CLPB: variants seen among roughly 807,000 people sequenced by gnomAD.
The protein encoded by CLPB is ClpB family mitochondrial disaggregase, also known as mitochondrial disaggregase.
CLPB carries 40 observed loss-of-function variants against 78.4 expected under a neutral mutation model. The ratio of observed to expected loss-of-function variants is 0.51; its 90% CI spans 0.40 to 0.66. The LOEUF (loss-of-function observed/expected upper bound fraction) is 0.66. Among genes scored for constraint, CLPB ranks in the 30% least tolerant of loss-of-function variants. The probability of loss-of-function intolerance (pLI) is 0.00; values close to 1 mark genes in which losing one functional copy is unlikely to be tolerated. For synonymous variants in CLPB, 333 were observed against 348.0 expected, an observed-to-expected ratio of 0.96 and a Z score of 0.48; for missense variants, 780 against 886.9, an observed-to-expected ratio of 0.88 and a Z score of 1.53.
intron 2 of CLPB, among the ~76,000 whole-genome samples, chr11:72,428,442 T>C (rs1277724280): frequency 1.3e-5 from 2 of 152,194 alleles, no homozygotes; most frequent in Admixed American, 1.3e-4. Context: ...ACATTCCAGC[T>C]TCTCTCAGAC....
At chr11:72,366,413 A>C (rs546588267) in intron 4 of CLPB, among the ~76,000 whole-genome samples, 1 of 152,166 alleles carries the variant, frequency 6.6e-6, no homozygotes, top group East Asian at 1.9e-4. Context: ...CTGTTTTCTA[A>C]AACAGGGTTT....
intron 4 of CLPB, among the ~76,000 whole-genome samples, chr11:72,372,397 G>A (rs58941166): frequency 0.13 from 19,326 of 152,194 alleles, 1,808 homozygotes; most frequent in African/African-American, 0.27. Flanking sequence ...CCTCTGGCAG[G>A]TATAGAAAAT....
At chr11:72,401,283 CA>C (rs536031247) in intron 3 of CLPB, among the ~76,000 whole-genome samples, 4 of 151,522 alleles carry the variant, frequency 2.6e-5, no homozygotes, top group East Asian at 1.9e-4. Flanking sequence ...ACTAAAAATA[CA>C]AAAAAAATTA....
At chr11:72,374,145 G>A (rs1951096954) in intron 4 of CLPB, among the ~76,000 whole-genome samples, 1 of 152,076 alleles carries the variant, frequency 6.6e-6, no homozygotes, top group Admixed American at 6.5e-5. Flanking sequence ...CCCTTGAGTG[G>A]TGAGTTGCTC....
intron 4 of CLPB, among the ~76,000 whole-genome samples, chr11:72,378,285 T>G (rs1222202591): frequency 6.6e-6 from 1 of 152,220 alleles, no homozygotes. Context: ...ATTAGTTCGT[T>G]TTCATCATGC....
chr11:72,306,098 G>A (rs1050143993), intron 9 of CLPB, among the ~76,000 whole-genome samples: 3 of 152,198 alleles, frequency 2.0e-5, no homozygotes, highest in Admixed American at 1.3e-4. Flanking sequence ...CATGCTATGC[G>A]CTGCTTCTTG....
At chr11:72,353,567 C>T (rs948345231) in intron 5 of CLPB, among the ~76,000 whole-genome samples, 3 of 152,156 alleles carry the variant, frequency 2.0e-5, no homozygotes, top group African/African-American at 7.2e-5. Flanking sequence ...ATCAGTGCAT[C>T]CAATTCAAAA....
At position 72,402,272 on chromosome 11, in the gene CLPB, A is replaced by C. The variant is rs1453710639; in HGVS notation, c.542+694T>G. Among the ~76,000 whole-genome samples the C allele has an allele frequency of 2.6e-5, 4 of 152,134 alleles. No homozygotes were observed. The East Asian group carries it at 7.7e-4, about 29-fold the overall frequency. ...CAAGACTGTATCTCAAAAAAACCCCAAAACCCAAAAACACAGACCTTTCAG... is the reference window on the plus strand; with the variant it reads ...CAAGACTGTATCTCAAAAAAACCCCCAAACCCAAAAACACAGACCTTTCAG... On this transcript the variant is annotated intron_variant, in intron 3 of 15. Transcript: ENST00000538039.
At chr11:72,378,771 C>A (rs1202134066) in intron 4 of CLPB, among the ~76,000 whole-genome samples, 1 of 152,186 alleles carries the variant, frequency 6.6e-6, no homozygotes, top group Non-Finnish European at 1.5e-5. Flanking sequence ...AACATAAACA[C>A]AATTCCTCCG....
Position 72,376,639 on chromosome 11 carries a change from C to T in CLPB, c.646+3642G>A, listed in dbSNP as rs150189610. ...AATGATTCCTGACAAACTTCTAGGA[C>T]GTTATTATTATTATTTTTTTTTAAC... On this transcript the variant is annotated intron_variant, in intron 4 of 15. Coordinates refer to ENST00000538039, the MANE Select transcript of CLPB (RefSeq NM_001258392.3). Among the ~76,000 whole-genome samples, 1,241 of 129,228 alleles carry T rather than the reference C, an allele frequency of 9.6e-3. 10 individuals carry two copies. Among genetic ancestry groups the T allele is most frequent in the Admixed American group, 0.016 (187 of 11,380 alleles). 84.8% of individuals were successfully genotyped at this position (129,228 alleles called of 152,430 possible).
chr11:72,413,012 G>A (rs1025237661), intron 2 of CLPB, among the ~76,000 whole-genome samples: 2 of 152,160 alleles, frequency 1.3e-5, no homozygotes, highest in Non-Finnish European at 2.9e-5. Context: ...CTTCATGCCA[G>A]GTGCGGTGGC....
chr11:72,389,070 A>G (rs1855170372), intron 3 of CLPB, among the ~76,000 whole-genome samples: 2 of 152,256 alleles, frequency 1.3e-5, no homozygotes, highest in Non-Finnish European at 2.9e-5. Flanking sequence ...GTGAGTAGCC[A>G]GAAACCAAGG....
chr11:72,297,142 G>C (rs1435467083), intron 11 of CLPB, among the ~76,000 whole-genome samples: 1 of 152,234 alleles, frequency 6.6e-6, no homozygotes, highest in Non-Finnish European at 1.5e-5. Context: ...TTTCTTTTGG[G>C]AAGCAGAGAA....
intron 5 of CLPB, among the ~76,000 whole-genome samples, chr11:72,339,386 T>C (rs1950377268): frequency 6.6e-6 from 1 of 152,174 alleles, no homozygotes; most frequent in Non-Finnish European, 1.5e-5. Context: ...TCATGTTAAA[T>C]TGGGATTAGA....
At chr11:72,314,126 C>T (rs116517896) in intron 7 of CLPB, among the ~76,000 whole-genome samples, 2,429 of 152,190 alleles carry the variant, frequency 0.016, 58 homozygotes, top group African/African-American at 0.055. Context: ...GGTGGTGTGC[C>T]GTGGTGGCCA....
intron 2 of CLPB, among the ~76,000 whole-genome samples, chr11:72,415,705 G>T (rs1228311247): frequency 6.6e-6 from 1 of 152,204 alleles, no homozygotes; most frequent in Non-Finnish European, 1.5e-5. Context: ...GACAGAAGAA[G>T]TCATGGATCT....
At chr11:72,317,412 C>T (rs1055490298) in intron 6 of CLPB, among the ~76,000 whole-genome samples, 192 bp from the exon 7 acceptor site, 1 of 152,212 alleles carries the variant, frequency 6.6e-6, no homozygotes, top group South Asian at 2.1e-4. Context: ...TCAGGGGTCT[C>T]GGCTCACTCT....
At chr11:72,400,474 TC>T (rs902544379) in intron 3 of CLPB, among the ~76,000 whole-genome samples, 1 of 152,206 alleles carries the variant, frequency 6.6e-6, no homozygotes, top group African/African-American at 2.4e-5. Context: ...AAGAGATGTG[TC>T]CCCAAAAGCA....
rs997053483 is a variant in CLPB, at chr11:72,285,863, A to C, written c.*7504T>G. The stretch of plus-strand genomic sequence containing the variant: ...TTTCTTTTGATACTGTTTCTAGTTG[A>C]TTATTGCTAGAATACAGAAAAAACA... On this transcript the variant is annotated 3_prime_UTR_variant, in exon 16 of 16. Transcript: ENST00000538039. The C allele has an allele frequency of 6.6e-6, 1 of 151,808 alleles. No homozygotes were observed. The highest frequency in any genetic ancestry group is 2.4e-5 in the African/African-American group (1 of 41,338). The allele number at this position is 151,808 out of a possible 1,614,324, so 9.4% of individuals were successfully genotyped here. A position where few individuals can be genotyped will look rare whatever the true frequency, so the allele number is the denominator to read the frequency against.
Sources: gnomAD v4.1 joint callset for allele counts (sites outside exome capture counted in the v4.1 genomes callset) on GRCh38, gnomAD v4.1.1 for gene constraint, MANE v1.5 for transcripts, NCBI Gene and HGNC (gene_info 2026-07-23, HGNC 2026-07-21) for gene names.